The following ZFP42 variants were observed in gnomAD, a reference collection of about 807,000 sequenced individuals.
ZFP42 encodes zinc finger protein 42 homolog.
For synonymous variants in ZFP42, 175 were observed against 144.6 expected, an observed-to-expected ratio of 1.21 and a Z score of -1.51; for missense variants, 438 against 377.1, an observed-to-expected ratio of 1.16 and a Z score of -1.34.
Position 188,003,203 on chromosome 4 carries a change from A to G in ZFP42, c.396A>G (p.Pro132=). ...AAAAAGGGGTAAAGAAAGAGCTTCCACAAAAGATAGTTGGAGAGAATTCGC... is the reference window on the plus strand; with the variant it reads ...AAAAAGGGGTAAAGAAAGAGCTTCCGCAAAAGATAGTTGGAGAGAATTCGC... ...YMKKGVKKEL[P]QKIVGENSLE... The change falls in exon 4 of 4, where the codon CCA becomes CCG. Residue 132 remains proline (P), a synonymous_variant. Coordinates refer to ENST00000326866, the MANE Select transcript of ZFP42 (RefSeq NM_174900.5). The G allele has an allele frequency of 6.2e-7, 1 of 1,613,902 alleles. No homozygotes were observed.
intron 1 of ZFP42, among the ~76,000 whole-genome samples, chr4:187,997,832 G>C (rs569751771): frequency 5.9e-5 from 9 of 152,150 alleles, no homozygotes; most frequent in Admixed American, 3.3e-4. Context: ...CCATGGCCTA[G>C]TGACATCTTC....
intron 3 of ZFP42, among the ~76,000 whole-genome samples, chr4:188,002,185 A>G (rs187003876): frequency 6.6e-6 from 1 of 152,162 alleles, no homozygotes; most frequent in African/African-American, 2.4e-5. Context: ...TCCAAAAAAA[A>G]AGAAGAAAAA....
intron 1 of ZFP42, among the ~76,000 whole-genome samples, chr4:187,997,120 T>G (rs12504373): frequency 0.48 from 72,703 of 151,554 alleles, 19,399 homozygotes; most frequent in East Asian, 0.89. Flanking sequence ...CCCACCCCCG[T>G]GCACTTTTCC....
In ZFP42 at chr4:188,003,327, A is replaced by G. The variant is rs763775076; in HGVS notation, c.520A>G (p.Lys174Glu). 3.1e-6 allele frequency: 5 copies of G among 1,614,086 alleles called. No individual in the cohort carries two copies. The highest frequency in any genetic ancestry group is 1.6e-4 in the Middle Eastern group (1 of 6,062). The change falls in exon 4 of 4, where the codon AAG becomes GAG. Residue 174 changes from lysine to glutamate, a missense_variant. Transcript: ENST00000326866. ...TAAACAGCTCGCAGAATTTGCTAGA[A>G]AGAAGCCCCCCATAAATAAAGAATA... ...DPKQLAEFAR[K>E]KPPINKEYDS...
At chr4:187,999,803 A>G (rs574156418) in intron 3 of ZFP42, 118 bp downstream of exon 3, 1 of 152,390 alleles carries the variant, frequency 6.6e-6, no homozygotes, top group African/African-American at 2.4e-5. Context: ...GCCTGCCTGA[A>G]GAGGTGATGT....
intron 1 of ZFP42, among the ~76,000 whole-genome samples, chr4:187,998,669 A>T (rs992653597): frequency 1.3e-5 from 2 of 152,144 alleles, no homozygotes; most frequent in Admixed American, 6.5e-5. Context: ...TGCCTACAGT[A>T]CTCAGAACTG....
Position 188,003,418 on chromosome 4 carries a change from C to T in ZFP42, c.611C>T (p.Ala204Val). Residue 204 changes from alanine to valine, a missense_variant, in exon 4 of 4, where the codon GCC becomes GTC. By Grantham distance (64) the Ala-to-Val change is moderately conservative (BLOSUM62 0). Coordinates refer to ENST00000326866, the MANE Select transcript of ZFP42 (RefSeq NM_174900.5). ...ACTAGGAAGTTGAGGAATAGAGCTGCCCTGAGAAAGCATCTCCTCATTCAT... is the reference window on the plus strand; with the variant it reads ...ACTAGGAAGTTGAGGAATAGAGCTGTCCTGAGAAAGCATCTCCTCATTCAT... ...GCTRKLRNRA[A>V]LRKHLLIHGP... 3 of 1,614,096 alleles carry T rather than the reference C, an allele frequency of 1.9e-6. No homozygotes were observed. Among genetic ancestry groups the T allele is most frequent in the South Asian group, 1.1e-5 (1 of 91,068 alleles).
chr4:187,998,467 C>CA (rs1409664346), intron 1 of ZFP42, among the ~76,000 whole-genome samples: 1 of 152,172 alleles, frequency 6.6e-6, no homozygotes, highest in African/African-American at 2.4e-5. Flanking sequence ...ATAAAGCCTA[C>CA]AGTTGTGTAC....
At chr4:188,005,194 A>G (rs1250662641), downstream of ZFP42, 1 of 163,652 alleles carries the variant, frequency 6.1e-6, no homozygotes, top group Admixed American at 6.5e-5. Flanking sequence ...GTGTGGTTGG[A>G]TAAGGGATAA....
chr4:188,003,389 A>T lies in ZFP42; in HGVS notation c.582A>T (p.Gly194=). 6.2e-7 allele frequency: 1 copy of T among 1,614,150 alleles called. No homozygotes were observed. The highest frequency in any genetic ancestry group is 8.5e-7 in the Non-Finnish European group (1 of 1,180,034). ...GCGCAATCGCTTGTCCTCAGAGTGG[A>T]TGCACTAGGAAGTTGAGGAATAGAG... ...SLSAIACPQS[G]CTRKLRNRAA... is the part of the protein sequence containing the mutation. Residue 194 remains glycine (G), a synonymous_variant, in exon 4 of 4, where the codon GGA becomes GGT. Transcript: ENST00000326866.
downstream of ZFP42, chr4:188,005,065 A>G (rs895615967): frequency 3.0e-5 from 5 of 167,096 alleles, no homozygotes; most frequent in African/African-American, 1.2e-4. Flanking sequence ...CCAAGTCTGT[A>G]TTTTAAAAAA....
chr4:188,003,336 C>T lies in ZFP42; in HGVS notation c.529C>T (p.Pro177Ser). 6.2e-7 allele frequency: 1 copy of T among 1,613,994 alleles called. No individual in the cohort carries two copies. The highest frequency in any genetic ancestry group is 1.3e-5 in the African/African-American group (1 of 75,000). ...QLAEFARKKPPINKEYDSLSA... is the reference protein window; with the variant it reads ...QLAEFARKKPSINKEYDSLSA... Reference sequence around the variant, plus strand: ...CGCAGAATTTGCTAGAAAGAAGCCCCCCATAAATAAAGAATATGACAGTCT... The same window carrying T: ...CGCAGAATTTGCTAGAAAGAAGCCCTCCATAAATAAAGAATATGACAGTCT... The change falls in exon 4 of 4, where the codon CCC (proline) becomes TCC (serine). Residue 177 changes from proline (P) to serine (S), a missense_variant. Pro to Ser is a moderately conservative substitution (Grantham distance 74). Transcript: ENST00000326866.
intron 1 of ZFP42, among the ~76,000 whole-genome samples, chr4:187,996,166 C>T (rs957703807): frequency 1.7e-5 from 2 of 120,128 alleles, no homozygotes; most frequent in Non-Finnish European, 3.4e-5. Flanking sequence ...CTTACAATAT[C>T]TGGCTAAGTC....
chr4:187,997,791 C>T (rs184459035), intron 1 of ZFP42, among the ~76,000 whole-genome samples: 18 of 152,182 alleles, frequency 1.2e-4, no homozygotes, highest in Admixed American at 3.9e-4. Context: ...CTATGGTGGT[C>T]CCATAAGATT....
At chr4:187,999,539 T>C (rs1273746461) in intron 2 of ZFP42, 70 bp from the exon 3 acceptor site, 1 of 152,168 alleles carries the variant, frequency 6.6e-6, no homozygotes, top group Non-Finnish European at 1.5e-5. Context: ...GTAAAGTAAT[T>C]ATATAGGGTT....
intron 3 of ZFP42, among the ~76,000 whole-genome samples, chr4:188,000,857 C>CG (rs150580925): frequency 0.12 from 17,921 of 151,538 alleles, 1,212 homozygotes; most frequent in South Asian, 0.27. Context: ...GGTGGCGGGG[C>CG]GGGGGGGCGC....
intron 3 of ZFP42, among the ~76,000 whole-genome samples, chr4:188,001,145 A>C (rs1454102901): frequency 2.6e-5 from 4 of 152,090 alleles, no homozygotes; most frequent in Non-Finnish European, 5.9e-5. Context: ...GTTTTTTACC[A>C]AAAGTAAATG....
rs1002401560 is a variant in ZFP42, at chr4:188,003,712, C to T, written c.905C>T (p.Thr302Met). 4 of 1,612,090 alleles carry T rather than the reference C, an allele frequency of 2.5e-6. No individual in the cohort carries two copies. The highest frequency in any genetic ancestry group is 1.1e-5 in the South Asian group (1 of 91,044). ...LKAHILTHANTNKNEQEGK is the reference protein window; with the variant it reads ...LKAHILTHANMNKNEQEGK ...GCCCACATCCTAACGCATGCAAATA[C>T]GAACAAGAATGAACAAGAGGGAAAG... is the stretch of plus-strand genomic sequence containing the variant. Residue 302 changes from threonine to methionine, a missense_variant, in exon 4 of 4, where the codon ACG (threonine) becomes ATG (methionine). Coordinates refer to ENST00000326866, the MANE Select transcript of ZFP42 (RefSeq NM_174900.5).
chr4:188,004,821 T>C lies in ZFP42; in HGVS notation c.*1081T>C, dbSNP rs1292363226. On this transcript the variant is annotated 3_prime_UTR_variant, in exon 4 of 4. Coordinates refer to ENST00000326866, the MANE Select transcript of ZFP42 (RefSeq NM_174900.5). ...TAAAAATTAAAAATATACTTCATGG[T>C]TCATGTCATAGCCCTAGAGAATGAA... is the stretch of plus-strand genomic sequence containing the variant. 1 of 167,096 alleles carries C rather than the reference T, an allele frequency of 6.0e-6. No homozygotes were observed. The highest frequency in any genetic ancestry group is 6.5e-5 in the Admixed American group (1 of 15,278). 10.4% of individuals were successfully genotyped at this position (167,096 alleles called of 1,614,324 possible). A position where few individuals can be genotyped will look rare whatever the true frequency, so the allele number is the denominator to read the frequency against.
Sources: gnomAD v4.1 joint callset for allele counts (sites outside exome capture counted in the v4.1 genomes callset) on GRCh38, gnomAD v4.1.1 for gene constraint, MANE v1.5 for transcripts, NCBI Gene and HGNC (gene_info 2026-07-23, HGNC 2026-07-21) for gene names.